SVOPL: variants seen among roughly 807,000 people sequenced by gnomAD.
SVOPL encodes putative transporter SVOPL.
Under a neutral mutation model 61.0 loss-of-function variants are expected in SVOPL, and 60 were observed. That is an observed-to-expected ratio of 0.98 (90% CI 0.80 to 1.22). The LOEUF is 1.22. Ranked by LOEUF, SVOPL falls within the 50% of genes most tolerant of loss-of-function variation. The pLI is 0.00. For missense variants in SVOPL, 662 were observed against 643.9 expected, an observed-to-expected ratio of 1.03 and a Z score of -0.30; for synonymous variants, 279 against 250.0, an observed-to-expected ratio of 1.12 and a Z score of -1.09.
At chr7:138,615,560 C>CAAAAAAAAAAAAAAAAAAAA (rs770404185) in intron 14 of SVOPL, among the ~76,000 whole-genome samples, 7 of 5,542 alleles carry the variant, frequency 1.3e-3, no homozygotes, top group African/African-American at 2.3e-3. Flanking sequence ...ACTCCGTCTC[C>CAAAAAAAAAAAAAAAAAAAA]AAAAAAAAAA....
At chr7:138,641,814 T>TTATATA (rs10666134) in intron 9 of SVOPL, among the ~76,000 whole-genome samples, 11,290 of 120,514 alleles carry the variant, frequency 0.094, 645 homozygotes, top group Middle Eastern at 0.13. Flanking sequence ...TATATATATG[T>TTATATA]TATATATATA....
intron 9 of SVOPL, among the ~76,000 whole-genome samples, chr7:138,636,617 T>G (rs929911666): frequency 1.3e-5 from 2 of 151,950 alleles, no homozygotes; most frequent in African/African-American, 4.8e-5. Flanking sequence ...ATTACAGGTG[T>G]CTGCCACGAA....
At chr7:138,624,145 A>T (rs1288972746) in intron 13 of SVOPL, among the ~76,000 whole-genome samples, 1 of 152,168 alleles carries the variant, frequency 6.6e-6, no homozygotes, top group East Asian at 1.9e-4. Context: ...CAGGAATTTC[A>T]TGTTGTAATT....
chr7:138,669,035 G>A (rs1434455209), intron 4 of SVOPL, among the ~76,000 whole-genome samples: 2 of 152,216 alleles, frequency 1.3e-5, no homozygotes, highest in Non-Finnish European at 2.9e-5. Flanking sequence ...GACATGTGGA[G>A]AGGATAGAGG....
chr7:138,623,713 T>G (rs1306346979), intron 13 of SVOPL, among the ~76,000 whole-genome samples: 1 of 152,222 alleles, frequency 6.6e-6, no homozygotes, highest in Non-Finnish European at 1.5e-5. Flanking sequence ...TACACCATGT[T>G]ACGCATAGAT....
chr7:138,680,736 G>C (rs920160068), intron 1 of SVOPL, among the ~76,000 whole-genome samples: 4 of 152,006 alleles, frequency 2.6e-5, no homozygotes, highest in African/African-American at 9.7e-5. Context: ...CCGCCACCAC[G>C]CCCGGCTAAT....
intron 1 of SVOPL, chr7:138,689,473 C>T (rs949037307): frequency 1.7e-5 from 16 of 928,142 alleles, no homozygotes; most frequent in Non-Finnish European, 2.4e-5. Flanking sequence ...GACAAGGTTG[C>T]CCTGAAGAAA....
chr7:138,658,548 A>G (rs998226853), intron 6 of SVOPL, among the ~76,000 whole-genome samples: 9 of 152,144 alleles, frequency 5.9e-5, no homozygotes, highest in Non-Finnish European at 1.2e-4. Context: ...AAGTGCTCAG[A>G]TTACAGATGC....
At chr7:138,650,138 A>G (rs1338277241) in intron 7 of SVOPL, among the ~76,000 whole-genome samples, 1 of 152,146 alleles carries the variant, frequency 6.6e-6, no homozygotes, top group Non-Finnish European at 1.5e-5. Flanking sequence ...CAAAATTCTT[A>G]TTTTTAATTG....
chr7:138,634,614 C>T (rs979210102), intron 9 of SVOPL, among the ~76,000 whole-genome samples: 1 of 152,056 alleles, frequency 6.6e-6, no homozygotes, highest in African/African-American at 2.4e-5. Flanking sequence ...CACCACTGCA[C>T]TCCAGCTTGG....
chr7:138,653,932 C>CA (rs34826230), intron 7 of SVOPL, among the ~76,000 whole-genome samples: 4 of 132,644 alleles, frequency 3.0e-5, no homozygotes, highest in Non-Finnish European at 6.3e-5. Flanking sequence ...GACTCTGTCT[C>CA]AAAAAAAAAA....
chr7:138,684,875 C>T (rs568399675), intron 1 of SVOPL, among the ~76,000 whole-genome samples: 11 of 151,772 alleles, frequency 7.2e-5, no homozygotes, highest in East Asian at 3.9e-4. Flanking sequence ...TGTCCATTAA[C>T]GGATGTGTGG....
chr7:138,622,086 C>CTATGTATG (rs1563096161), intron 13 of SVOPL, among the ~76,000 whole-genome samples: 1 of 40,818 alleles, frequency 2.4e-5, no homozygotes, highest in Non-Finnish European at 5.3e-5. Context: ...ATCTATCTAT[C>CTATGTATG]TATGTATCTA....
intron 14 of SVOPL, among the ~76,000 whole-genome samples, chr7:138,611,221 T>TA (rs1475088121): frequency 2.0e-5 from 3 of 152,052 alleles, no homozygotes; most frequent in Non-Finnish European, 4.4e-5. Context: ...CTATTAAAAA[T>TA]AAAAAAATTA....
At chr7:138,605,399 C>A (rs112704553) in intron 14 of SVOPL, among the ~76,000 whole-genome samples, 1 of 151,648 alleles carries the variant, frequency 6.6e-6, no homozygotes, top group Non-Finnish European at 1.5e-5. Flanking sequence ...CAGTGGCTCA[C>A]GCCTGTAATC....
At chr7:138,684,534 C>T (rs1231239643) in intron 1 of SVOPL, among the ~76,000 whole-genome samples, 1 of 152,176 alleles carries the variant, frequency 6.6e-6, no homozygotes, top group African/African-American at 2.4e-5. Flanking sequence ...CACTAATCCT[C>T]AGAAAAATGC....
chr7:138,699,323 A>G (rs966493421), intron 1 of SVOPL, among the ~76,000 whole-genome samples: 3 of 152,210 alleles, frequency 2.0e-5, no homozygotes, highest in African/African-American at 7.2e-5. Context: ...AAAAAATAAT[A>G]AAAACAAAAA....
chr7:138,656,622 T>G, intron 6 of SVOPL, 111 bp from the exon 7 acceptor site: 2 of 1,126,904 alleles, frequency 1.8e-6, no homozygotes, highest in South Asian at 2.8e-5. Context: ...AGCATAGAAG[T>G]TGATTATATA....
intron 11 of SVOPL, 93 bp downstream of exon 11, chr7:138,628,065 G>A (rs1799971421): frequency 1.4e-6 from 2 of 1,396,598 alleles, no homozygotes; most frequent in Non-Finnish European, 2.0e-6. Flanking sequence ...CTAGGCAGGA[G>A]CGGTGTCACA....
Sources: allele counts gnomAD v4.1 joint callset (sites outside exome capture counted in the v4.1 genomes callset), GRCh38; gene constraint gnomAD v4.1.1; transcripts MANE v1.5; gene names NCBI Gene and HGNC (gene_info 2026-07-23, HGNC 2026-07-21).